The following HS6ST2 variants were observed in gnomAD, a reference collection of about 807,000 sequenced individuals.
HS6ST2 encodes heparan-sulfate 6-O-sulfotransferase 2.
A neutral mutation model predicts 33.0 loss-of-function variants in HS6ST2; 17 were observed. That is an observed-to-expected ratio of 0.52 (90% CI 0.35 to 0.77). HS6ST2 has a LOEUF of 0.77. Among genes scored for constraint, HS6ST2 ranks in the 30% least tolerant of loss-of-function variants. The pLI is 0.01. For missense variants in HS6ST2, 519 were observed against 551.7 expected, an observed-to-expected ratio of 0.94 and a Z score of 0.59; for synonymous variants, 248 against 237.1, an observed-to-expected ratio of 1.05 and a Z score of -0.42.
chrX:132,822,874 G>A (rs147247442), intron 2 of HS6ST2, among the ~76,000 whole-genome samples: 3,084 of 111,989 alleles, frequency 0.028, 106 homozygotes, highest in African/African-American at 0.093. Context: ...CAAGATTCTC[G>A]TCTGGAAGGA....
At chrX:132,720,080 CAG>C (rs1390739046) in intron 2 of HS6ST2, among the ~76,000 whole-genome samples, 1 of 112,582 alleles carries the variant, frequency 8.9e-6, no homozygotes. Flanking sequence ...CCTCCACACA[CAG>C]CCCCACCATG....
intron 2 of HS6ST2, among the ~76,000 whole-genome samples, chrX:132,746,332 C>G (rs2064642805): frequency 9.0e-6 from 1 of 110,859 alleles, no homozygotes; most frequent in African/African-American, 3.3e-5. Context: ...GAAAACCCGT[C>G]TCTACTAAAA....
Position 132,628,665 on chromosome X carries a change from T to C in HS6ST2, c.1496A>G (p.Tyr499Cys). ...NMNFISPFTQ[Y>C]NTTRASSVEI... ...TACACTAGAGGCCCTAGTGGTATTA[T>C]ACTGGGTAAATGGCGAAATAAAGTT... is the stretch of plus-strand genomic sequence containing the variant. Residue 499 changes from tyrosine to cysteine, a missense_variant, in exon 5 of 5, where the codon TAT becomes TGT. Tyr to Cys is a radical substitution (Grantham distance 194). Transcript: ENST00000370833. 2.5e-6 allele frequency: 3 copies of C among 1,211,709 alleles called. No individual in the cohort carries two copies. Among genetic ancestry groups the C allele is most frequent in the Non-Finnish European group, 3.4e-6 (3 of 895,271 alleles).
In HS6ST2 at chrX:132,718,558, C is replaced by T. The variant is rs761307438; in HGVS notation, c.948-10064G>A. Among the ~76,000 whole-genome samples, 4 of 111,494 alleles carry T rather than the reference C, an allele frequency of 3.6e-5. No homozygotes were observed. In the South Asian group the frequency reaches 1.6e-3, roughly 44 times the overall value. ...TATAATCTCTCTGGGCATATCACAC[C>T]TCCACTGAGAGCTGGGGACTGCATC... On this transcript the variant is annotated intron_variant, in intron 2 of 4. Coordinates refer to ENST00000370833, the MANE Select transcript of HS6ST2 (RefSeq NM_001394073.1).
At chrX:132,866,821 A>G (rs1436059504) in intron 2 of HS6ST2, among the ~76,000 whole-genome samples, 1 of 102,419 alleles carries the variant, frequency 9.8e-6, no homozygotes, top group African/African-American at 3.6e-5. Flanking sequence ...ATTTTTGTAC[A>G]TTGATTTTGT....
intron 2 of HS6ST2, among the ~76,000 whole-genome samples, chrX:132,944,751 G>A (rs1404396961): frequency 2.7e-5 from 3 of 110,466 alleles, no homozygotes; most frequent in African/African-American, 9.9e-5. Context: ...CAAGAAATGG[G>A]GAAAGGATTC....
At chrX:132,818,535 A>T (rs1408508282) in intron 2 of HS6ST2, among the ~76,000 whole-genome samples, 1 of 111,375 alleles carries the variant, frequency 9.0e-6, no homozygotes, top group Non-Finnish European at 1.9e-5. Context: ...CACTAGGATT[A>T]AAAAAAGCAG....
chrX:132,857,356 C>A (rs1022885764), intron 2 of HS6ST2, among the ~76,000 whole-genome samples: 6 of 109,491 alleles, frequency 5.5e-5, no homozygotes, highest in African/African-American at 2.0e-4. Context: ...TGGTGGCGGG[C>A]GCCTGTAATC....
intron 2 of HS6ST2, among the ~76,000 whole-genome samples, chrX:132,895,866 T>C (rs1235716569): frequency 9.0e-6 from 1 of 110,770 alleles, no homozygotes; most frequent in Non-Finnish European, 1.9e-5. Flanking sequence ...TACATGACTT[T>C]GATGAAAACT....
At chrX:132,718,954 C>T (rs1030878202) in intron 2 of HS6ST2, among the ~76,000 whole-genome samples, 2 of 110,721 alleles carry the variant, frequency 1.8e-5, no homozygotes, top group East Asian at 5.7e-4. Flanking sequence ...TAGGAAAATG[C>T]AATCAAATTA....
At chrX:132,723,967 T>G (rs1461043655) in intron 2 of HS6ST2, among the ~76,000 whole-genome samples, 1 of 109,672 alleles carries the variant, frequency 9.1e-6, no homozygotes, top group Non-Finnish European at 1.9e-5. Flanking sequence ...AAACCCCATC[T>G]CTACTAAAAA....
At position 132,708,671 on chromosome X, in the gene HS6ST2, G is replaced by T. The variant is rs1267922210; in HGVS notation, c.948-177C>A. 3 of 405,439 alleles carry T rather than the reference G, an allele frequency of 7.4e-6. No individual in the cohort carries two copies. In the South Asian group the frequency reaches 1.2e-4, roughly 16 times the overall value. The allele number at this position is 405,439 out of a possible 1,213,427, so 33.4% of individuals were successfully genotyped here. On this transcript the variant is annotated intron_variant, in intron 2 of 4. Transcript: ENST00000370833. ...CCCCACTGGCTCCTCTCAAGTAATG[G>T]GGAGATTCCCAATCAGAAGGCTAAA...
chrX:132,638,894 C>T (rs2063580595), intron 4 of HS6ST2, among the ~76,000 whole-genome samples: 1 of 112,342 alleles, frequency 8.9e-6, no homozygotes, highest in African/African-American at 3.2e-5. Flanking sequence ...TCATACCTCA[C>T]CCAAAGGACC....
chrX:132,919,096 TA>T (rs1022745455), intron 2 of HS6ST2, among the ~76,000 whole-genome samples: 6 of 111,940 alleles, frequency 5.4e-5, no homozygotes, highest in African/African-American at 1.9e-4. Context: ...ATGTGTATAA[TA>T]GGGGGAGGGA....
chrX:132,803,557 C>T (rs1475750548), intron 2 of HS6ST2, among the ~76,000 whole-genome samples: 2 of 111,247 alleles, frequency 1.8e-5, no homozygotes, highest in East Asian at 5.7e-4. Flanking sequence ...TACAGGTGCC[C>T]ACCACCATTC....
intron 2 of HS6ST2, among the ~76,000 whole-genome samples, chrX:132,752,916 T>C (rs2064720773): frequency 8.9e-6 from 1 of 112,223 alleles, no homozygotes; most frequent in African/African-American, 3.2e-5. Context: ...ACTTTAGTCA[T>C]GTCATTTTCT....
chrX:132,892,312 G>GC (rs1312557010), intron 2 of HS6ST2, among the ~76,000 whole-genome samples: 15 of 112,074 alleles, frequency 1.3e-4, no homozygotes, highest in Non-Finnish European at 2.1e-4. Context: ...TACTCAAAAT[G>GC]TGGTCCATGG....
intron 4 of HS6ST2, among the ~76,000 whole-genome samples, chrX:132,654,558 A>C (rs1326188825): frequency 8.9e-6 from 1 of 112,272 alleles, no homozygotes; most frequent in East Asian, 2.8e-4. Flanking sequence ...AAGAATCTTT[A>C]AAGTTCAAGG....
intron 2 of HS6ST2, among the ~76,000 whole-genome samples, chrX:132,865,171 C>T (rs1461780755): frequency 1.1e-5 from 1 of 92,429 alleles, no homozygotes; most frequent in Non-Finnish European, 2.1e-5. Context: ...TGTTCCCCTT[C>T]CTGTGTCCAC....
Sources: gnomAD v4.1 joint callset for allele counts (sites outside exome capture counted in the v4.1 genomes callset) on GRCh38, gnomAD v4.1.1 for gene constraint, MANE v1.5 for transcripts, NCBI Gene and HGNC (gene_info 2026-07-23, HGNC 2026-07-21) for gene names.